SLC25A26: variants seen among roughly 807,000 people sequenced by gnomAD.
SLC25A26 encodes the protein solute carrier family 25 member 26.
Under a neutral mutation model 37.8 loss-of-function variants are expected in SLC25A26, and 36 were observed. The observed-to-expected ratio is 0.95, with a 90% CI of 0.73 to 1.26. The LOEUF (loss-of-function observed/expected upper bound fraction) is 1.26. SLC25A26 is among the 50% of genes most tolerant of loss of function. The pLI is 0.00. For synonymous variants in SLC25A26, 129 were observed against 122.5 expected, an observed-to-expected ratio of 1.05 and a Z score of -0.35; for missense variants, 390 against 331.1, an observed-to-expected ratio of 1.18 and a Z score of -1.38.
intron 1 of SLC25A26, among the ~76,000 whole-genome samples, chr3:66,179,380 G>T (rs1210758989): frequency 6.6e-6 from 1 of 152,170 alleles, no homozygotes; most frequent in Non-Finnish European, 1.5e-5. Flanking sequence ...CAGACACTCA[G>T]AAGTCTCCTT....
chr3:66,371,124 G>A (rs1700323649), intron 9 of SLC25A26: 1 of 1,417,914 alleles, frequency 7.1e-7, no homozygotes, highest in African/African-American at 1.4e-5. Context: ...TTAAAACATT[G>A]CTTTGACACC....
intron 1 of SLC25A26, among the ~76,000 whole-genome samples, chr3:66,211,174 T>C (rs2106837229): frequency 6.6e-6 from 1 of 152,320 alleles, no homozygotes; most frequent in East Asian, 1.9e-4. Context: ...AAGAGGGGAT[T>C]CACCTGGGGA....
intron 1 of SLC25A26, among the ~76,000 whole-genome samples, chr3:66,175,506 T>A (rs1419195322): frequency 2.6e-5 from 4 of 152,150 alleles, no homozygotes; most frequent in African/African-American, 9.7e-5. Flanking sequence ...ATTACAGGCA[T>A]GAGCCACCAC....
chr3:66,353,048 C>T (rs899678004), intron 6 of SLC25A26, among the ~76,000 whole-genome samples: 21 of 151,992 alleles, frequency 1.4e-4, no homozygotes, highest in African/African-American at 3.6e-4. Flanking sequence ...GGGTTAAGCA[C>T]GATGCATTTG....
At chr3:66,301,139 C>T in intron 5 of SLC25A26, among the ~76,000 whole-genome samples, 1 of 152,128 alleles carries the variant, frequency 6.6e-6, no homozygotes, top group East Asian at 1.9e-4. Context: ...AATAGTAGAT[C>T]TCATGTAAAG....
rs1287804197 is a variant in SLC25A26, at chr3:66,309,216, C to G, written c.454-37148C>G. ...CTTGTTATTGGACTATTCAGGGATT[C>G]GACTTCTTCCTGGTTTAGTCTTGGG... is the stretch of plus-strand genomic sequence containing the variant. On this transcript the variant is annotated intron_variant, in intron 5 of 9. Transcript: ENST00000354883. Among the ~76,000 whole-genome samples the G allele has an allele frequency of 2.0e-5, 3 of 152,260 alleles. No homozygotes were observed. In the East Asian group the frequency reaches 5.8e-4, roughly 29 times the overall value.
At chr3:66,262,274 CAGT>C (rs1229029350) in intron 4 of SLC25A26, 119 bp downstream of exon 4, 2 of 484,694 alleles carry the variant, frequency 4.1e-6, no homozygotes. Flanking sequence ...ATTTAATGTC[CAGT>C]TATAGTAAAT....
intron 5 of SLC25A26, among the ~76,000 whole-genome samples, chr3:66,296,281 T>C (rs2074900266): frequency 6.6e-6 from 1 of 152,212 alleles, no homozygotes; most frequent in Admixed American, 6.5e-5. Flanking sequence ...TCTAGTTGTT[T>C]TAGGATACTC....
At position 66,253,023 on chromosome 3, in the gene SLC25A26, G is replaced by GCCC. The variant is rs33979268; in HGVS notation, c.301-9017_301-9015dup. Among the ~76,000 whole-genome samples, 707 of 106,570 alleles carry GCCC rather than the reference G, an allele frequency of 6.6e-3. 89 individuals carry two copies. The highest frequency in any genetic ancestry group is 0.021 in the African/African-American group (519 of 24,740). The allele number at this position is 106,570 out of a possible 152,430, so 69.9% of individuals were successfully genotyped here. ...TGGTTACTGTGATAGGCAAAATAAT[G>GCCC]CCCCCCCCCCCCCATAAATATGTCC... On this transcript the variant is annotated intron_variant, in intron 3 of 9. Coordinates refer to ENST00000354883, the MANE Select transcript of SLC25A26 (RefSeq NM_001379210.1).
intron 1 of SLC25A26, among the ~76,000 whole-genome samples, chr3:66,145,260 C>T (rs1484738693): frequency 3.3e-5 from 5 of 152,158 alleles, no homozygotes; most frequent in African/African-American, 7.2e-5. Flanking sequence ...CTGAACGGCT[C>T]ATAAGGTTTG....
intron 2 of SLC25A26, among the ~76,000 whole-genome samples, chr3:66,240,747 CTT>C (rs782761312): frequency 7.0e-5 from 9 of 129,092 alleles, no homozygotes; most frequent in Non-Finnish European, 1.1e-4. Flanking sequence ...CTTTTCTTTT[CTT>C]TTTTTTTTTT....
intron 1 of SLC25A26, among the ~76,000 whole-genome samples, chr3:66,148,432 C>A (rs1287254612): frequency 1.3e-5 from 2 of 152,154 alleles, no homozygotes; most frequent in Non-Finnish European, 2.9e-5. Flanking sequence ...TTGGGGCTGA[C>A]AGGACCATGG....
intron 6 of SLC25A26, among the ~76,000 whole-genome samples, chr3:66,354,678 G>T (rs2076535576): frequency 6.6e-6 from 1 of 152,164 alleles, no homozygotes; most frequent in Non-Finnish European, 1.5e-5. Flanking sequence ...TCAGTGCTCA[G>T]GGTCTGCAGT....
Position 66,239,816 on chromosome 3 carries a change from CTTTTTTT to C in SLC25A26, c.190+3134_190+3140del, listed in dbSNP as rs536690709. Among the ~76,000 whole-genome samples the C allele has an allele frequency of 3.8e-4, 42 of 110,172 alleles. No individual in the cohort carries two copies. The South Asian group carries it at 0.013, about 34-fold the overall frequency. 72.3% of individuals were successfully genotyped at this position (110,172 alleles called of 152,430 possible). A position where few individuals can be genotyped will look rare whatever the true frequency, so the allele number is the denominator to read the frequency against. Reference sequence around the variant, plus strand: ...ATGGGTTAATGAGTTTCCTTTCTTTCTTTTTTTTTTTTTTTTTTTTTTTTAACAGTGG... The same window carrying C: ...ATGGGTTAATGAGTTTCCTTTCTTTCTTTTTTTTTTTTTTTTTAACAGTGG... On this transcript the variant is annotated intron_variant, in intron 2 of 9. Coordinates refer to ENST00000354883, the MANE Select transcript of SLC25A26 (RefSeq NM_001379210.1).
At chr3:66,287,549 A>C (rs1479895496) in intron 5 of SLC25A26, among the ~76,000 whole-genome samples, 1 of 152,144 alleles carries the variant, frequency 6.6e-6, no homozygotes, top group Non-Finnish European at 1.5e-5. Context: ...TTTGATTCAT[A>C]ATATAGTTAC....
intron 1 of SLC25A26, among the ~76,000 whole-genome samples, chr3:66,139,835 T>TAGATGAAA (rs1311230325): frequency 6.6e-6 from 1 of 152,138 alleles, no homozygotes; most frequent in Non-Finnish European, 1.5e-5. Flanking sequence ...TAATGCAGAC[T>TAGATGAAA]AGATGAAAAG....
chr3:66,324,918 A>G (rs909174479), intron 5 of SLC25A26, among the ~76,000 whole-genome samples: 1 of 152,162 alleles, frequency 6.6e-6, no homozygotes, highest in Non-Finnish European at 1.5e-5. Flanking sequence ...GACAAAAGAC[A>G]GAGTAGCAAG....
chr3:66,155,832 CT>C (rs2070275143), intron 1 of SLC25A26, among the ~76,000 whole-genome samples: 1 of 152,184 alleles, frequency 6.6e-6, no homozygotes, highest in South Asian at 2.1e-4. Flanking sequence ...CACATCCTCT[CT>C]GCAGTTAGTT....
intron 1 of SLC25A26, among the ~76,000 whole-genome samples, chr3:66,153,586 C>T (rs2070236837): frequency 6.6e-6 from 1 of 152,196 alleles, no homozygotes; most frequent in Admixed American, 6.5e-5. Context: ...GCAGAATGCG[C>T]AGAATTTCTT....
Sources: gnomAD v4.1 joint callset for allele counts (sites outside exome capture counted in the v4.1 genomes callset) on GRCh38, gnomAD v4.1.1 for gene constraint, MANE v1.5 for transcripts, NCBI Gene and HGNC (gene_info 2026-07-23, HGNC 2026-07-21) for gene names.